ATG2A: variants seen among roughly 807,000 people sequenced by gnomAD.
ATG2A encodes autophagy-related protein 2 homolog A.
In ATG2A, 103 loss-of-function variants were observed where a neutral mutation model predicts 214.2. The ratio of observed to expected loss-of-function variants is 0.48; its 90% CI spans 0.41 to 0.57. The LOEUF is 0.57. ATG2A is among the 20% of genes least tolerant of loss of function. ATG2A has a pLI of 0.00. For synonymous variants in ATG2A, 1,160 were observed against 1,142.1 expected (o/e 1.02, Z -0.32); for missense variants, 2,312 against 2,613.2 (o/e 0.88, Z 2.51).
chr11:64,907,010 G>T (rs561666482), intron 19 of ATG2A, among the ~76,000 whole-genome samples, 195 bp from the exon 20 acceptor site: 12 of 152,342 alleles, frequency 7.9e-5, no homozygotes, highest in Non-Finnish European at 1.3e-4. Flanking sequence ...CTGCCCGCTC[G>T]GAGTGGGAAC....
At chr11:64,906,032 T>C in intron 22 of ATG2A, 81 bp downstream of exon 22, 4 of 1,491,028 alleles carry the variant, frequency 2.7e-6, no homozygotes, top group Non-Finnish European at 3.6e-6. Context: ...CCCACCGGCC[T>C]CCTCCCACCT....
chr11:64,916,727 CCT>C (rs1315109578), intron 1 of ATG2A, among the ~76,000 whole-genome samples: 1 of 152,166 alleles, frequency 6.6e-6, no homozygotes, highest in Non-Finnish European at 1.5e-5. Flanking sequence ...GTGATCTTGC[CCT>C]CTCCAGCCTC....
At position 64,909,882 on chromosome 11, in the gene ATG2A, G is replaced by T; in HGVS notation, c.1906C>A (p.Leu636Ile). ...PAMEQQTVFR[L>I]SAPRATLRLR... is the part of the protein sequence containing the mutation. The stretch of plus-strand genomic sequence containing the variant: ...CGCAGCGTGGCCCGGGGTGCAGAGA[G>T]CCGAAATACCGTCTGCTGCTCCATC... Residue 636 changes from leucine (L) to isoleucine (I), a missense_variant, in exon 14 of 41, where the codon CTC (leucine) becomes ATC (isoleucine). Physicochemically the swap from Leu to Ile is conservative, Grantham distance 5 (BLOSUM62 2). Coordinates refer to ENST00000377264, the MANE Select transcript of ATG2A (RefSeq NM_015104.3). 6.2e-7 allele frequency: 1 copy of T among 1,608,114 alleles called. No homozygotes were observed.
At chr11:64,904,728 C>A (rs1016925371) in intron 24 of ATG2A, among the ~76,000 whole-genome samples, 1 of 152,046 alleles carries the variant, frequency 6.6e-6, no homozygotes, top group African/African-American at 2.4e-5. Context: ...ATATAAACAC[C>A]CCTTCATAAA....
rs1565755807 is a variant in ATG2A, at chr11:64,906,819, C to T, written c.2833-4G>A. ...CCAGCCGCTTCCCACCCTCATCCTG[C>T]AGAAGGAGCACACAGCCTGGCTTCC... On this transcript the variant is annotated splice_polypyrimidine_tract_variant and splice_region_variant and intron_variant, in intron 19 of 40. Transcript: ENST00000377264. The T allele has an allele frequency of 6.2e-7, 1 of 1,611,976 alleles. No homozygotes were observed. The highest frequency in any genetic ancestry group is 2.2e-5 in the East Asian group (1 of 44,836).
Position 64,914,196 on chromosome 11 carries a change from G to A in ATG2A, c.372C>T (p.Cys124=), listed in dbSNP as rs1200982771. Residue 124 remains cysteine, a synonymous_variant, in exon 3 of 41, where the codon TGC becomes TGT. Coordinates refer to ENST00000377264, the MANE Select transcript of ATG2A (RefSeq NM_015104.3). ...GGGCCAGCTGCAGGCTTGTGGTCAT[G>A]CATGAGGCCCAGCTCTGTGAGTCGG... The part of the protein sequence containing the change: ...GAADSQSWAS[C]MTTSLQLAQE... 1.3e-6 allele frequency: 2 copies of A among 1,553,828 alleles called. No homozygotes were observed. Among genetic ancestry groups the A allele is most frequent in the Admixed American group, 1.9e-5 (1 of 51,336 alleles).
rs1301358688 is a variant in ATG2A, at chr11:64,898,439, C to T, written c.4672-77G>A. On this transcript the variant is annotated intron_variant, in intron 32 of 40. Coordinates refer to ENST00000377264, the MANE Select transcript of ATG2A (RefSeq NM_015104.3). This position sits in a 1 kb window ranked among gnomAD's most constrained non-coding sequence, Gnocchi z 4.5. ...CTCACCCAGCTGTTCCCTGACAGCT[C>T]ACCCAGCCACCCTGCCTCTGAACAC... 1 of 1,373,680 alleles carries T rather than the reference C, an allele frequency of 7.3e-7. No homozygotes were observed. The highest frequency in any genetic ancestry group is 1.4e-5 in the South Asian group (1 of 73,498). The allele number at this position is 1,373,680 out of a possible 1,614,324, so 85.1% of individuals were successfully genotyped here. A position where few individuals can be genotyped will look rare whatever the true frequency, so the allele number is the denominator to read the frequency against.
rs778658168 is a variant in ATG2A, at chr11:64,896,560, G to A, written c.5329C>T (p.Arg1777Cys). 6.8e-6 allele frequency: 11 copies of A among 1,613,868 alleles called. No homozygotes were observed. Among genetic ancestry groups the A allele is most frequent in the African/African-American group, 2.7e-5 (2 of 74,934 alleles). The change falls in exon 39 of 41, where the codon CGC becomes TGC. Residue 1777 changes from arginine (R) to cysteine (C), a missense_variant. Transcript: ENST00000377264. ...CCTCGCTGCAGCCCCCGCATGAGGC[G>A]GCCATCCTTCCTGTACTGCTCAATG... ...LPIEQYRKDGRLMRGLQRGAA... is the reference protein window; with the variant it reads ...LPIEQYRKDGCLMRGLQRGAA...
At position 64,913,284 on chromosome 11, in the gene ATG2A, G is replaced by C; in HGVS notation, c.708C>G (p.Tyr236Ter). ...LLQLAGVRLH[Y>*]EELPAQEEPP... ...CGCTCACCTGTGCCGGGAGCTCCTC[G>C]TAGTGCAGGCGGACCCCTGCCAGCT... The change falls in exon 5 of 41, where the codon TAC (tyrosine) becomes TAG (stop). Residue 236 changes from tyrosine (Y) to a stop codon, truncating the protein, a stop_gained. Coordinates refer to ENST00000377264, the MANE Select transcript of ATG2A (RefSeq NM_015104.3). LOFTEE classifies it high-confidence loss of function. This position sits in a 1 kb window ranked among gnomAD's most constrained non-coding sequence, Gnocchi z 4.3. 6.2e-7 allele frequency: 1 copy of C among 1,611,248 alleles called. No individual in the cohort carries two copies. The highest frequency in any genetic ancestry group is 8.5e-7 in the Non-Finnish European group (1 of 1,179,504).
At chr11:64,911,300 G>A (rs373686604) in intron 9 of ATG2A, 25 bp from the exon 10 acceptor site, 10 of 1,608,630 alleles carry the variant, frequency 6.2e-6, no homozygotes, top group Non-Finnish European at 8.5e-6. Context: ...GCTTCAGCAG[G>A]GGCTCCCAAC....
intron 24 of ATG2A, 96 bp downstream of exon 24, chr11:64,905,467 T>A: frequency 7.9e-7 from 1 of 1,270,226 alleles, no homozygotes; most frequent in South Asian, 1.3e-5. Context: ...ATCACCCGGG[T>A]GTACATTAAG....
At position 64,896,612 on chromosome 11, in the gene ATG2A, T is replaced by C. The variant is rs542106456; in HGVS notation, c.5277A>G (p.Gln1759=). ...GPMHSVVQLF[Q]GFRDLLWLPI... Reference sequence around the variant, plus strand: ...GCAGCCACAGCAGGTCCCGGAACCCTTGGACTAGGGGGAAGGAGCGCTCAG... The same window carrying C: ...GCAGCCACAGCAGGTCCCGGAACCCCTGGACTAGGGGGAAGGAGCGCTCAG... The change falls in exon 39 of 41, where the codon CAA becomes CAG. Residue 1759 remains glutamine, a synonymous_variant. Coordinates refer to ENST00000377264, the MANE Select transcript of ATG2A (RefSeq NM_015104.3). The C allele has an allele frequency of 2.2e-5, 35 of 1,613,496 alleles. No individual in the cohort carries two copies. Among genetic ancestry groups the C allele is most frequent in the African/African-American group, 4.0e-5 (3 of 75,046 alleles).
Position 64,905,749 on chromosome 11 carries a change from C to A in ATG2A, c.3364G>T (p.Asp1122Tyr). The stretch of plus-strand genomic sequence containing the variant: ...GCCCACCCAGCCTGGTACCTATAGT[C>A]CACAGAGCAGGAGAACAGGTGTGTG... ...LHTHLFSCSV[D>Y]YRPLYLPVRV... Residue 1122 changes from aspartate (D) to tyrosine (Y), a missense_variant, in exon 23 of 41, where the codon GAC becomes TAC. Asp to Tyr is a radical substitution (Grantham distance 160). Coordinates refer to ENST00000377264, the MANE Select transcript of ATG2A (RefSeq NM_015104.3). 1 of 1,613,958 alleles carries A rather than the reference C, an allele frequency of 6.2e-7. No individual in the cohort carries two copies. The highest frequency in any genetic ancestry group is 1.1e-5 in the South Asian group (1 of 91,084).
chr11:64,910,835 CG>C lies in ATG2A; in HGVS notation c.1585del (p.Arg529GlyfsTer12). 1.2e-6 allele frequency: 2 copies of C among 1,608,990 alleles called. No homozygotes were observed. The highest frequency in any genetic ancestry group is 1.7e-6 in the Non-Finnish European group (2 of 1,178,156). ...CGTGTACTCAGGCTCAGAGGTGCCC[CG>C]GGGCCACAGACACTCCAGCACCTCC... ...QLEVLECLWP[R>X]GTSEPEYTEI... On this transcript the variant is annotated frameshift_variant, in exon 11 of 41. Transcript: ENST00000377264. LOFTEE classifies it high-confidence loss of function.
At position 64,909,908 on chromosome 11, in the gene ATG2A, G is replaced by A. The variant is rs2285347; in HGVS notation, c.1880C>T (p.Ala627Val). 2,350 of 1,602,412 alleles carry A rather than the reference G, an allele frequency of 1.5e-3. 56 individuals carry two copies. The East Asian group carries it at 0.046, about 31-fold the overall frequency. The change falls in exon 14 of 41, where the codon GCG (alanine) becomes GTG (valine). Residue 627 changes from alanine to valine, a missense_variant. Ala to Val is a moderately conservative substitution (Grantham distance 64). Transcript: ENST00000377264. The part of the protein sequence containing the change: ...PAGLLTEPLP[A>V]MEQQTVFRLS... Reference sequence around the variant, plus strand: ...CCGAAATACCGTCTGCTGCTCCATCGCCGGCAGGGGCTCTGTCTGCAGGAG... The same window carrying A: ...CCGAAATACCGTCTGCTGCTCCATCACCGGCAGGGGCTCTGTCTGCAGGAG...
At chr11:64,905,301 G>A (rs1038119072) in intron 24 of ATG2A, among the ~76,000 whole-genome samples, 4 of 152,188 alleles carry the variant, frequency 2.6e-5, no homozygotes, top group Non-Finnish European at 5.9e-5. Context: ...TACTCCATAA[G>A]CATTAAATCC....
chr11:64,906,087 T>C lies in ATG2A; in HGVS notation c.3264+26A>G, dbSNP rs138760930. 372 of 1,555,342 alleles carry C rather than the reference T, an allele frequency of 2.4e-4. No individual in the cohort carries two copies. The African/African-American group carries it at 4.5e-3, about 19-fold the overall frequency. ...ACAGAAGTCCAGAGTCACTGGGCCATGTGGCTTCCCACCACCCACGCTCAC... is the reference window on the plus strand; with the variant it reads ...ACAGAAGTCCAGAGTCACTGGGCCACGTGGCTTCCCACCACCCACGCTCAC... On this transcript the variant is annotated intron_variant, in intron 22 of 40. Coordinates refer to ENST00000377264, the MANE Select transcript of ATG2A (RefSeq NM_015104.3).
intron 24 of ATG2A, among the ~76,000 whole-genome samples, chr11:64,904,860 C>G (rs549397154): frequency 6.6e-6 from 1 of 151,882 alleles, no homozygotes; most frequent in East Asian, 1.9e-4. Context: ...ATCTATCTAT[C>G]TATGTATTTA....
chr11:64,906,558 C>G, intron 20 of ATG2A, 25 bp from the exon 21 acceptor site: 1 of 1,610,114 alleles, frequency 6.2e-7, no homozygotes, highest in South Asian at 1.1e-5. Context: ...CATGAGCCCC[C>G]TGCCAAGCCA....
Sources: gnomAD v4.1 joint callset for allele counts (sites outside exome capture counted in the v4.1 genomes callset) on GRCh38, gnomAD v4.1.1 for gene constraint, Gnocchi (gnomAD v3.1) non-coding constraint, MANE v1.5 for transcripts, NCBI Gene and HGNC (gene_info 2026-07-23, HGNC 2026-07-21) for gene names.